Variants in SPAG6 observed in about 807,000 individuals in gnomAD.
SPAG6 encodes the protein sperm-associated antigen 6.
A neutral mutation model predicts 58.5 loss-of-function variants in SPAG6; 49 were observed. The ratio of observed to expected loss-of-function variants is 0.84; its 90% CI spans 0.67 to 1.06. SPAG6 has a LOEUF of 1.06. Ranked by LOEUF, SPAG6 falls within the 50% of genes least tolerant of loss-of-function variation. The probability of loss-of-function intolerance (pLI) is 0.00; values close to 1 mark genes in which losing one functional copy is unlikely to be tolerated. For missense variants in SPAG6, 560 were observed against 611.3 expected, an observed-to-expected ratio of 0.92 and a Z score of 0.89; for synonymous variants, 233 against 225.6, an observed-to-expected ratio of 1.03 and a Z score of -0.29.
intron 10 of SPAG6, among the ~76,000 whole-genome samples, chr10:22,411,840 CTTTTTTTTTTTTT>C (rs546172800): frequency 1.8e-4 from 12 of 66,750 alleles, no homozygotes; most frequent in Admixed American, 8.0e-4. Context: ...ACAACTGAAT[CTTTTTTTTTTTTT>C]TTTTTTTTTT....
rs565737411 is a variant in SPAG6, at chr10:22,404,706, A to G, written c.1314+3429A>G. 1.2e-3 allele frequency among the ~76,000 whole-genome samples: 170 copies of G among 137,086 alleles called. 2 individuals are homozygous for G. In the East Asian group the frequency reaches 0.031, roughly 25 times the overall value. 89.9% of individuals were successfully genotyped at this position (137,086 alleles called of 152,430 possible). The stretch of plus-strand genomic sequence containing the variant: ...TGGTAGCTTGATGGGGATGGCATTG[A>G]ATCTGTAAATTACCTTGGGCAGTAT... On this transcript the variant is annotated intron_variant, in intron 9 of 10. Transcript: ENST00000376624.
intron 4 of SPAG6, among the ~76,000 whole-genome samples, chr10:22,379,637 T>A (rs956640679): frequency 2.6e-5 from 4 of 152,128 alleles, no homozygotes; most frequent in African/African-American, 9.7e-5. Context: ...TAGTGATAGG[T>A]CTTGAGCCTG....
chr10:22,391,735 C>T lies in SPAG6; in HGVS notation c.1012C>T (p.Pro338Ser). The T allele has an allele frequency of 6.2e-7, 1 of 1,613,206 alleles. No individual in the cohort carries two copies. The highest frequency in any genetic ancestry group is 8.5e-7 in the Non-Finnish European group (1 of 1,179,550). Residue 338 changes from proline to serine, a missense_variant, in exon 8 of 11, where the codon CCC (proline) becomes TCC (serine). Transcript: ENST00000376624. ...AMAVIISKGV[P>S]QLSVCLSEEP... ...CTTTTGATCCACGCTGCAGGGTGTACCCCAGTTGTCAGTCTGCTTGTCAGA... is the reference window on the plus strand; with the variant it reads ...CTTTTGATCCACGCTGCAGGGTGTATCCCAGTTGTCAGTCTGCTTGTCAGA...
Position 22,417,045 on chromosome 10 carries a change from A to G in SPAG6, c.*357A>G, listed in dbSNP as rs774369564. On this transcript the variant is annotated 3_prime_UTR_variant, in exon 11 of 11. Coordinates refer to ENST00000376624, the MANE Select transcript of SPAG6 (RefSeq NM_012443.4). The stretch of plus-strand genomic sequence containing the variant: ...TCAAAAACCCTAAATTATTCTAGCC[A>G]ATTTGTCATAGGCATAGGCAAGGAA... 1.4e-4 allele frequency: 25 copies of G among 176,216 alleles called. No individual in the cohort carries two copies. The highest frequency in any genetic ancestry group is 2.7e-4 in the Non-Finnish European group (22 of 81,696). 10.9% of individuals were successfully genotyped at this position (176,216 alleles called of 1,614,324 possible).
At chr10:22,378,630 G>C (rs7073585) in intron 4 of SPAG6, among the ~76,000 whole-genome samples, 1 of 151,946 alleles carries the variant, frequency 6.6e-6, no homozygotes, top group African/African-American at 2.4e-5. Flanking sequence ...TGCGTTACTC[G>C]ATTCAGCTTG....
chr10:22,386,706 A>G (rs958089878), intron 4 of SPAG6, 48 bp from the exon 5 acceptor site: 9 of 1,479,410 alleles, frequency 6.1e-6, no homozygotes, highest in Non-Finnish European at 8.5e-6. Flanking sequence ...TGGCTTGCAC[A>G]AGGGTCAGTC....
intron 2 of SPAG6, among the ~76,000 whole-genome samples, chr10:22,359,784 GC>G (rs1836983053): frequency 6.6e-6 from 1 of 152,144 alleles, no homozygotes; most frequent in South Asian, 2.1e-4. Context: ...TGGACTGAAG[GC>G]CCAGTTTGCA....
At chr10:22,415,195 A>T (rs1314985171) in intron 10 of SPAG6, among the ~76,000 whole-genome samples, 1 of 151,652 alleles carries the variant, frequency 6.6e-6, no homozygotes. Flanking sequence ...ACATCATTAT[A>T]TCAATACTAA....
intron 2 of SPAG6, among the ~76,000 whole-genome samples, chr10:22,349,830 G>A (rs1836668639): frequency 3.9e-5 from 6 of 152,114 alleles, no homozygotes; most frequent in Admixed American, 3.9e-4. Context: ...CAGAATTCAA[G>A]AAAATAAGTC....
chr10:22,410,692 C>G (rs1300518686), intron 9 of SPAG6, among the ~76,000 whole-genome samples: 4 of 152,096 alleles, frequency 2.6e-5, no homozygotes, highest in African/African-American at 9.7e-5. Context: ...GGAGCTGGGT[C>G]CCAGAGGACC....
chr10:22,416,739 C>G lies in SPAG6; in HGVS notation c.*51C>G. ...TTCACAGCAGAGTAGTTTTGAGTAA[C>G]AGTAATTAAATCCTTCTAAATATTT... On this transcript the variant is annotated 3_prime_UTR_variant, in exon 11 of 11. Transcript: ENST00000376624. The G allele has an allele frequency of 2.9e-6, 3 of 1,034,000 alleles. No individual in the cohort carries two copies. The highest frequency in any genetic ancestry group is 1.6e-5 in the African/African-American group (1 of 63,884). The allele number at this position is 1,034,000 out of a possible 1,614,324, so 64.1% of individuals were successfully genotyped here. A position where few individuals can be genotyped will look rare whatever the true frequency, so the allele number is the denominator to read the frequency against.
intron 4 of SPAG6, among the ~76,000 whole-genome samples, chr10:22,381,546 A>G (rs1215910597): frequency 7.4e-6 from 1 of 136,018 alleles, no homozygotes; most frequent in Non-Finnish European, 1.6e-5. Context: ...CTCTGGCTTC[A>G]TTTATTTTAG....
At chr10:22,402,372 T>C (rs1225116191) in intron 9 of SPAG6, among the ~76,000 whole-genome samples, 1 of 152,226 alleles carries the variant, frequency 6.6e-6, no homozygotes, top group East Asian at 1.9e-4. Flanking sequence ...ATACACTATG[T>C]TTCTACAAAT....
chr10:22,402,104 A>C (rs1251986374), intron 9 of SPAG6, among the ~76,000 whole-genome samples: 3 of 152,198 alleles, frequency 2.0e-5, no homozygotes, highest in African/African-American at 4.8e-5. Context: ...GTTACCCATA[A>C]AATGTAAATA....
intron 4 of SPAG6, among the ~76,000 whole-genome samples, chr10:22,375,455 T>G (rs556923029): frequency 7.9e-5 from 12 of 152,354 alleles, no homozygotes; most frequent in African/African-American, 2.9e-4. Context: ...GGAGCTGTAT[T>G]CTCATCATGT....
intron 8 of SPAG6, among the ~76,000 whole-genome samples, chr10:22,392,124 G>A (rs888422258): frequency 7.9e-5 from 12 of 152,274 alleles, no homozygotes; most frequent in African/African-American, 2.9e-4. Context: ...CTCTATGGGT[G>A]CAAAGTTGTT....
At chr10:22,349,757 C>T (rs1588630945) in intron 2 of SPAG6, among the ~76,000 whole-genome samples, 1 of 152,104 alleles carries the variant, frequency 6.6e-6, no homozygotes, top group African/African-American at 2.4e-5. Flanking sequence ...AATAAGTTTG[C>T]GTAACACTTT....
At chr10:22,382,934 T>A (rs1334619793) in intron 4 of SPAG6, among the ~76,000 whole-genome samples, 1 of 152,248 alleles carries the variant, frequency 6.6e-6, no homozygotes, top group African/African-American at 2.4e-5. Context: ...GCTGTTAGCA[T>A]GTTGATATAA....
intron 4 of SPAG6, among the ~76,000 whole-genome samples, chr10:22,384,947 C>G (rs139122519): frequency 6.6e-6 from 1 of 151,460 alleles, no homozygotes; most frequent in Admixed American, 6.6e-5. Context: ...ACTTTTAAAC[C>G]GTTGTAGTTT....
Sources: allele counts gnomAD v4.1 joint callset (sites outside exome capture counted in the v4.1 genomes callset), GRCh38; gene constraint gnomAD v4.1.1; transcripts MANE v1.5; gene names NCBI Gene and HGNC (gene_info 2026-07-23, HGNC 2026-07-21).